The following ASTN2 variants were observed in gnomAD, a reference collection of about 807,000 sequenced individuals.
The protein encoded by ASTN2 is astrotactin 2.
ASTN2 carries 54 observed loss-of-function variants against 139.8 expected under a neutral mutation model. The observed-to-expected ratio is 0.39, with a 90% confidence interval of 0.31 to 0.48. The LOEUF (loss-of-function observed/expected upper bound fraction) is 0.48. Ranked by LOEUF, ASTN2 falls within the 20% of genes least tolerant of loss-of-function variation. ASTN2 has a pLI of 0.95. For missense variants in ASTN2, 1,565 were observed against 1,725.1 expected (o/e 0.91, Z 1.64); for synonymous variants, 756 against 719.5 (o/e 1.05, Z -0.81).
chr9:116,486,826 A>G (rs933764763), intron 20 of ASTN2, among the ~76,000 whole-genome samples: 2 of 152,226 alleles, frequency 1.3e-5, no homozygotes, highest in Non-Finnish European at 2.9e-5. Flanking sequence ...CAGTGACTCC[A>G]ATGAACTCTA....
intron 1 of ASTN2, among the ~76,000 whole-genome samples, chr9:117,347,713 C>T (rs924724585): frequency 2.0e-5 from 3 of 152,132 alleles, no homozygotes; most frequent in Non-Finnish European, 4.4e-5. Context: ...GTGGTGGCTA[C>T]AACCACACAA....
At chr9:116,679,984 A>G (rs1165467905) in intron 16 of ASTN2, among the ~76,000 whole-genome samples, 1 of 152,194 alleles carries the variant, frequency 6.6e-6, no homozygotes, top group African/African-American at 2.4e-5. Flanking sequence ...AAGAGCAAAC[A>G]CATTCAAAAG....
intron 10 of ASTN2, among the ~76,000 whole-genome samples, chr9:116,869,098 T>C (rs1360595838): frequency 2.0e-5 from 3 of 152,002 alleles, no homozygotes; most frequent in African/African-American, 7.3e-5. Context: ...AGCAGGAGAA[T>C]TGCTTGAACC....
chr9:116,777,451 G>A (rs2132197484), intron 13 of ASTN2, among the ~76,000 whole-genome samples: 1 of 152,264 alleles, frequency 6.6e-6, no homozygotes, highest in Non-Finnish European at 1.5e-5. Context: ...GCGGCACCTA[G>A]GTTGTAACCC....
rs558354515 is a variant in ASTN2, at chr9:116,840,406, G to A, written c.2041-19623C>T. 2.7e-3 allele frequency among the ~76,000 whole-genome samples: 403 copies of A among 150,814 alleles called. 1 individual carries two copies. Among genetic ancestry groups the A allele is most frequent in the African/African-American group, 8.8e-3 (360 of 40,990 alleles). On this transcript the variant is annotated intron_variant, in intron 11 of 22. Transcript: ENST00000313400. ...GAGCTGTTGGGTACACCTCCCAGAC[G>A]GGGTGGTGGCCAGGCAGAGGGGCTC...
At chr9:117,411,696 G>T (rs1224792157) in intron 1 of ASTN2, among the ~76,000 whole-genome samples, 1 of 152,066 alleles carries the variant, frequency 6.6e-6, no homozygotes, top group Non-Finnish European at 1.5e-5. Context: ...CTGGTCCCAG[G>T]ACCCAAAGTG....
chr9:116,686,420 C>T (rs1422478355), intron 16 of ASTN2, among the ~76,000 whole-genome samples: 1 of 152,194 alleles, frequency 6.6e-6, no homozygotes, highest in Admixed American at 6.5e-5. Context: ...TGCAGGGTCA[C>T]ATAGCTAAGG....
chr9:116,983,094 G>A (rs1221994049), intron 7 of ASTN2, among the ~76,000 whole-genome samples: 1 of 152,104 alleles, frequency 6.6e-6, no homozygotes, highest in African/African-American at 2.4e-5. Flanking sequence ...ATCATCACCG[G>A]CCAGGGATGC....
At chr9:117,224,141 G>A (rs955929975) in intron 2 of ASTN2, among the ~76,000 whole-genome samples, 13 of 152,196 alleles carry the variant, frequency 8.5e-5, no homozygotes, top group Non-Finnish European at 1.6e-4. Flanking sequence ...GCGTTTTCCC[G>A]TAAGTTAGAC....
chr9:116,494,155 AGTAGGAG>A (rs1315388561), intron 19 of ASTN2, among the ~76,000 whole-genome samples: 1 of 152,126 alleles, frequency 6.6e-6, no homozygotes, highest in Non-Finnish European at 1.5e-5. Flanking sequence ...TTGTAATGGC[AGTAGGAG>A]GTAGTAGAAA....
At chr9:116,431,295 C>T (rs1847489043) in intron 22 of ASTN2, among the ~76,000 whole-genome samples, 1 of 152,164 alleles carries the variant, frequency 6.6e-6, no homozygotes, top group African/African-American at 2.4e-5. Flanking sequence ...CCTCCCTCCT[C>T]CCTGCCTTAC....
chr9:116,514,785 C>A (rs1850567664), intron 19 of ASTN2, among the ~76,000 whole-genome samples: 1 of 152,176 alleles, frequency 6.6e-6, no homozygotes, highest in Non-Finnish European at 1.5e-5. Flanking sequence ...GGGCATGGGA[C>A]CCTCTGATCC....
intron 5 of ASTN2, among the ~76,000 whole-genome samples, chr9:117,052,818 T>C (rs1023906924): frequency 6.6e-6 from 1 of 152,228 alleles, no homozygotes; most frequent in Non-Finnish European, 1.5e-5. Flanking sequence ...TTGCTCAAGG[T>C]CATACGCCTA....
At chr9:117,057,300 C>A (rs1002239224) in intron 5 of ASTN2, among the ~76,000 whole-genome samples, 1 of 152,108 alleles carries the variant, frequency 6.6e-6, no homozygotes, top group African/African-American at 2.4e-5. Flanking sequence ...CAGCTCCTTG[C>A]GCTGAAATGG....
At chr9:117,195,334 A>G (rs995713923) in intron 3 of ASTN2, among the ~76,000 whole-genome samples, 7 of 152,200 alleles carry the variant, frequency 4.6e-5, no homozygotes, top group Non-Finnish European at 1.5e-5. Context: ...TACAAAGGGC[A>G]TAGGAGAAGA....
At chr9:116,608,449 G>C (rs1206654705) in intron 19 of ASTN2, among the ~76,000 whole-genome samples, 1 of 152,110 alleles carries the variant, frequency 6.6e-6, no homozygotes, top group Non-Finnish European at 1.5e-5. Context: ...CTTAGTAGTA[G>C]ACAATAATTA....
chr9:117,239,340 G>T (rs886854913), intron 2 of ASTN2, among the ~76,000 whole-genome samples: 1 of 152,140 alleles, frequency 6.6e-6, no homozygotes, highest in Non-Finnish European at 1.5e-5. Context: ...GTTGGGGAGA[G>T]ACAACAGGAG....
intron 1 of ASTN2, among the ~76,000 whole-genome samples, chr9:117,388,799 CAG>C (rs1830470052): frequency 6.6e-6 from 1 of 152,144 alleles, no homozygotes; most frequent in Non-Finnish European, 1.5e-5. Flanking sequence ...CCTCTTTCCC[CAG>C]AGTCTCATGA....
intron 4 of ASTN2, among the ~76,000 whole-genome samples, chr9:117,120,016 G>GTATATATATATATATA (rs1385401943): frequency 8.9e-5 from 3 of 33,816 alleles, no homozygotes; most frequent in Admixed American, 6.6e-4. Context: ...GTGTGTGTGT[G>GTATATATATATATATA]TGTATATATA....
Sources: allele counts gnomAD v4.1 joint callset (sites outside exome capture counted in the v4.1 genomes callset), GRCh38; gene constraint gnomAD v4.1.1; transcripts MANE v1.5; gene names NCBI Gene and HGNC (gene_info 2026-07-23, HGNC 2026-07-21).